Variants in FAM178B observed in about 807,000 individuals in gnomAD.
FAM178B encodes family with sequence similarity 178 member B, also known as protein FAM178B.
In FAM178B, 82 loss-of-function variants were observed where a neutral mutation model predicts 91.7. That is an observed-to-expected ratio of 0.89 (90% CI 0.75 to 1.07). FAM178B has a LOEUF of 1.07. Ranked by LOEUF, FAM178B falls within the 50% of genes least tolerant of loss-of-function variation. The probability of loss-of-function intolerance (pLI) is 0.00; values close to 1 mark genes in which losing one functional copy is unlikely to be tolerated. For synonymous variants in FAM178B, 368 were observed against 359.4 expected, an observed-to-expected ratio of 1.02 and a Z score of -0.27; for missense variants, 769 against 846.7, an observed-to-expected ratio of 0.91 and a Z score of 1.14.
rs1008002370 is a variant in FAM178B at position 96,902,676 on chromosome 2, T to C, written c.1594A>G (p.Ile532Val). Residue 532 changes from isoleucine (I) to valine (V), a missense_variant, in exon 13 of 17, where the codon ATT (isoleucine) becomes GTT (valine). Ile to Val is a conservative substitution (Grantham distance 29, BLOSUM62 3). Coordinates refer to ENST00000490605, the MANE Select transcript of FAM178B (RefSeq NM_001122646.3). The stretch of plus-strand genomic sequence containing the variant: ...TCCTGCTGGCCCAGCATTCGAGCAA[T>C]GACCACAAGGCTGAGCTGGCTTCGA... Reference protein sequence around the residue: ...RLRSQLSLVVIARMLGQQEML... With the variant: ...RLRSQLSLVVVARMLGQQEML... 5.2e-6 allele frequency: 8 copies of C among 1,550,526 alleles called. No individual in the cohort carries two copies. The highest frequency in any genetic ancestry group is 2.0e-5 in the Admixed American group (1 of 50,970).
intron 14 of FAM178B, among the ~76,000 whole-genome samples, chr2:96,886,678 A>T (rs2080529229): frequency 6.6e-6 from 1 of 152,194 alleles, no homozygotes; most frequent in Non-Finnish European, 1.5e-5. Flanking sequence ...GGAAGAAGGG[A>T]CAGAAAACGT....
Position 96,921,674 on chromosome 2 carries a change from C to G in FAM178B, c.1288-20G>C. 6.5e-7 allele frequency: 1 copy of G among 1,549,884 alleles called. No individual in the cohort carries two copies. Among genetic ancestry groups the G allele is most frequent in the Non-Finnish European group, 8.7e-7 (1 of 1,146,462 alleles). On this transcript the variant is annotated intron_variant, in intron 10 of 16. Transcript: ENST00000490605. ...CAGAAACTGGAGAGAGAAAAGAGGG[C>G]AGGGGTGGCCAGGGCATGGGGGAAC... is the stretch of plus-strand genomic sequence containing the variant.
intron 7 of FAM178B, chr2:96,949,883 C>T: frequency 1.4e-6 from 1 of 698,976 alleles, no homozygotes; most frequent in Non-Finnish European, 1.8e-6. Flanking sequence ...ATGGGCCCAT[C>T]AGGCCTGGCT....
At chr2:96,943,639 T>C (rs1451332174) in intron 8 of FAM178B, among the ~76,000 whole-genome samples, 1 of 152,166 alleles carries the variant, frequency 6.6e-6, no homozygotes, top group Non-Finnish European at 1.5e-5. Context: ...AACCAACCAT[T>C]CCATCCTGGT....
intron 14 of FAM178B, among the ~76,000 whole-genome samples, chr2:96,885,571 G>A (rs1037604367): frequency 5.3e-5 from 8 of 152,224 alleles, no homozygotes; most frequent in Non-Finnish European, 8.8e-5. Context: ...CAGACCTGCC[G>A]TGGGGAGGTT....
intron 12 of FAM178B, among the ~76,000 whole-genome samples, chr2:96,918,939 C>T (rs1471214243): frequency 2.0e-5 from 3 of 152,304 alleles, no homozygotes; most frequent in South Asian, 2.1e-4. Context: ...CCCCCAGTCA[C>T]GTACCCACGG....
chr2:96,981,751 A>AAAG lies in FAM178B; in HGVS notation c.73+4489_73+4490insCTT, dbSNP rs1553511884. ...GTGAGACTCCGTCTCAAAAAAAAAA[A>AAAG]AAAAAAAAAAAGAAAGAAAGAAACT... On this transcript the variant is annotated intron_variant, in intron 1 of 16. Transcript: ENST00000490605. Among the ~76,000 whole-genome samples, 149 of 130,246 alleles carry AAAG rather than the reference A, an allele frequency of 1.1e-3. 5 individuals are homozygous for AAAG. Among genetic ancestry groups the AAAG allele is most frequent in the East Asian group, 1.7e-3 (8 of 4,720 alleles). 85.4% of individuals were successfully genotyped at this position (130,246 alleles called of 152,430 possible). A position where few individuals can be genotyped will look rare whatever the true frequency, so the allele number is the denominator to read the frequency against.
chr2:96,960,293 G>GA lies in FAM178B; in HGVS notation c.881dup (p.Leu295ProfsTer26). On this transcript the variant is annotated frameshift_variant, in exon 6 of 17. Transcript: ENST00000490605. LOFTEE classifies it high-confidence loss of function. ...CCCCTCCTCCCCACACTTACCTGAG[G>GA]AACAGCCCTTCCAGGTGGCTGCGTG... 1 of 1,551,692 alleles carries GA rather than the reference G, an allele frequency of 6.4e-7. No homozygotes were observed. Among genetic ancestry groups the GA allele is most frequent in the Non-Finnish European group, 8.7e-7 (1 of 1,146,978 alleles).
At chr2:96,882,809 G>A (rs949926207) in intron 14 of FAM178B, among the ~76,000 whole-genome samples, 4 of 152,372 alleles carry the variant, frequency 2.6e-5, no homozygotes, top group South Asian at 2.1e-4. Context: ...GTCTGAAGAC[G>A]GGACCCAGCT....
intron 8 of FAM178B, among the ~76,000 whole-genome samples, chr2:96,947,262 T>A (rs2081845480): frequency 6.6e-6 from 1 of 152,050 alleles, no homozygotes; most frequent in Admixed American, 6.5e-5. Context: ...AAAGAGGAAT[T>A]AAATATACCT....
chr2:96,961,041 G>A (rs896364423), intron 5 of FAM178B, among the ~76,000 whole-genome samples: 1 of 152,120 alleles, frequency 6.6e-6, no homozygotes. Context: ...CCAGACAGCT[G>A]CTGCAATGCA....
chr2:96,933,671 C>T (rs2081579375), intron 8 of FAM178B, among the ~76,000 whole-genome samples: 1 of 152,190 alleles, frequency 6.6e-6, no homozygotes, highest in African/African-American at 2.4e-5. Flanking sequence ...CTTATCCTCC[C>T]CAACCCCCAA....
intron 12 of FAM178B, among the ~76,000 whole-genome samples, chr2:96,906,281 A>C (rs1362950510): frequency 2.7e-5 from 4 of 147,260 alleles, no homozygotes; most frequent in African/African-American, 1.0e-4. Context: ...AGCTCACTGC[A>C]AGCTCCGCCT....
intron 1 of FAM178B, among the ~76,000 whole-genome samples, chr2:96,984,360 T>C (rs780567855): frequency 2.9e-4 from 44 of 152,212 alleles, no homozygotes; most frequent in Non-Finnish European, 1.3e-4. Context: ...GCATCTTCTA[T>C]GTGTCAGGCA....
intron 8 of FAM178B, among the ~76,000 whole-genome samples, chr2:96,947,417 C>G (rs2081848000): frequency 6.6e-6 from 1 of 152,150 alleles, no homozygotes; most frequent in Non-Finnish European, 1.5e-5. Context: ...GACTCCAACC[C>G]AAGGAGCACC....
intron 1 of FAM178B, among the ~76,000 whole-genome samples, chr2:96,982,735 ATTTTTTTTTTT>A (rs58540459): frequency 1.9e-5 from 1 of 52,230 alleles, no homozygotes; most frequent in Admixed American, 2.6e-4. Flanking sequence ...TGCCCAGCTA[ATTTTTTTTTTT>A]TTTTTTTTTT....
chr2:96,877,963 C>T lies in FAM178B; in HGVS notation c.1934G>A (p.Arg645His), dbSNP rs1466604345. ...QIRESPQAMH[R>H]TMLKDLATQT... ...GGTAGCCAGGTCCTTGAGCATGGTG[C>T]GGTGCATGGCCTGGGGGCTCTCCCG... Residue 645 changes from arginine (R) to histidine (H), a missense_variant, in exon 16 of 17, where the codon CGC becomes CAC. Arg to His is a conservative substitution (Grantham distance 29, BLOSUM62 0). Transcript: ENST00000490605. The T allele has an allele frequency of 8.1e-6, 13 of 1,613,620 alleles. No individual in the cohort carries two copies. Among genetic ancestry groups the T allele is most frequent in the African/African-American group, 4.0e-5 (3 of 74,936 alleles).
At chr2:96,896,322 T>C (rs2080823051) in intron 13 of FAM178B, among the ~76,000 whole-genome samples, 1 of 152,240 alleles carries the variant, frequency 6.6e-6, no homozygotes, top group African/African-American at 2.4e-5. Flanking sequence ...CCCTGCGATC[T>C]GCCTGTGCCG....
chr2:96,884,176 C>G (rs928819540), intron 14 of FAM178B, among the ~76,000 whole-genome samples: 4 of 152,158 alleles, frequency 2.6e-5, no homozygotes, highest in African/African-American at 7.2e-5. Context: ...CCTGGGACCC[C>G]GCCTTCAGCA....
Sources: gnomAD v4.1 joint callset for allele counts (sites outside exome capture counted in the v4.1 genomes callset) on GRCh38, gnomAD v4.1.1 for gene constraint, MANE v1.5 for transcripts, NCBI Gene and HGNC (gene_info 2026-07-23, HGNC 2026-07-21) for gene names.